GRHL2: variants seen among roughly 807,000 people sequenced by gnomAD.
The protein encoded by GRHL2 is grainyhead like transcription factor 2, also known as grainyhead-like protein 2 homolog.
Under a neutral mutation model 83.8 loss-of-function variants are expected in GRHL2, and 21 were observed. That is an observed-to-expected ratio of 0.25 (90% CI 0.18 to 0.36). The LOEUF is 0.36. GRHL2 is among the 10% of genes least tolerant of loss of function. The pLI, the probability that GRHL2 is intolerant of heterozygous loss-of-function variation, is 1.00. For missense variants in GRHL2, 623 were observed against 781.8 expected (o/e 0.80, Z 2.42); for synonymous variants, 280 against 278.9 (o/e 1.00, Z -0.04).
At chr8:101,588,139 A>G (rs1056499632) in intron 7 of GRHL2, among the ~76,000 whole-genome samples, 2 of 152,188 alleles carry the variant, frequency 1.3e-5, no homozygotes, top group Non-Finnish European at 2.9e-5. Flanking sequence ...GAGTCTCGTC[A>G]TTGTTTAACA....
intron 1 of GRHL2, among the ~76,000 whole-genome samples, chr8:101,512,488 A>T (rs768473762): frequency 4.6e-5 from 7 of 151,978 alleles, no homozygotes; most frequent in Non-Finnish European, 8.8e-5. Context: ...TTTTATTTAC[A>T]TTTTGAGACA....
chr8:101,497,796 C>T (rs1203373452), intron 1 of GRHL2, among the ~76,000 whole-genome samples: 1 of 152,134 alleles, frequency 6.6e-6, no homozygotes, highest in African/African-American at 2.4e-5. Context: ...GGTGTATATC[C>T]AATGTGTAAG....
At chr8:101,497,004 T>G (rs1810120970) in intron 1 of GRHL2, among the ~76,000 whole-genome samples, 1 of 152,212 alleles carries the variant, frequency 6.6e-6, no homozygotes, top group Non-Finnish European at 1.5e-5. Flanking sequence ...ATTATTCTTG[T>G]AAGTGGTCTT....
chr8:101,663,614 AAAATAAAT>A (rs147519589), intron 14 of GRHL2, among the ~76,000 whole-genome samples: 3,106 of 133,932 alleles, frequency 0.023, 104 homozygotes, highest in African/African-American at 0.087. Context: ...TCCATCTCAA[AAAATAAAT>A]AAATAAATAA....
chr8:101,616,143 T>TTC (rs1812852961), intron 8 of GRHL2, among the ~76,000 whole-genome samples: 1 of 150,894 alleles, frequency 6.6e-6, no homozygotes, highest in Non-Finnish European at 1.5e-5. Context: ...CTTTCTTTCT[T>TTC]TCTCTCTCTC....
intron 13 of GRHL2, among the ~76,000 whole-genome samples, chr8:101,648,351 C>T (rs1048109316): frequency 6.6e-6 from 1 of 152,130 alleles, no homozygotes; most frequent in Non-Finnish European, 1.5e-5. Flanking sequence ...ATACTCTCTA[C>T]GTTCTGAAAT....
rs1403538221 is a variant in GRHL2, at chr8:101,492,554, A to AG, written c.-212dup. ...CGCCTCCGAGCTCGGGCCCCATGTG[A>AG]GGGGCCCCCCCTTATCCCACCTTTC... On this transcript the variant is annotated 5_prime_UTR_variant, in exon 1 of 16. Transcript: ENST00000646743. 11 of 641,480 alleles carry AG rather than the reference A, an allele frequency of 1.7e-5. No individual in the cohort carries two copies. The highest frequency in any genetic ancestry group is 2.8e-5 in the Non-Finnish European group (10 of 352,824). The allele number at this position is 641,480 out of a possible 1,614,324, so 39.7% of individuals were successfully genotyped here.
At chr8:101,557,416 G>A (rs1478295450) in intron 3 of GRHL2, among the ~76,000 whole-genome samples, 3 of 151,858 alleles carry the variant, frequency 2.0e-5, no homozygotes, top group African/African-American at 7.3e-5. Context: ...TAGAGATGGG[G>A]TTTCACCATT....
chr8:101,632,482 A>C lies in GRHL2; in HGVS notation c.1485+117A>C. 4.1e-6 allele frequency: 5 copies of C among 1,228,930 alleles called. 1 individual carries two copies. In the South Asian group the frequency reaches 6.0e-5, roughly 15 times the overall value. The allele number at this position is 1,228,930 out of a possible 1,614,324, so 76.1% of individuals were successfully genotyped here. A position where few individuals can be genotyped will look rare whatever the true frequency, so the allele number is the denominator to read the frequency against. On this transcript the variant is annotated intron_variant, in intron 11 of 15. Transcript: ENST00000646743. The stretch of plus-strand genomic sequence containing the variant: ...AAATAACTTACCTTCCATTCACTAG[A>C]GAAAAAGTCAATGTCATTCCCTATA...
intron 1 of GRHL2, among the ~76,000 whole-genome samples, chr8:101,533,491 A>C (rs1253430969): frequency 4.6e-5 from 7 of 152,236 alleles, no homozygotes; most frequent in Non-Finnish European, 7.3e-5. Context: ...ATTCATGAAC[A>C]AAACAACCCC....
intron 12 of GRHL2, among the ~76,000 whole-genome samples, chr8:101,641,733 T>C (rs541539649): frequency 6.6e-6 from 1 of 152,306 alleles, no homozygotes; most frequent in Non-Finnish European, 1.5e-5. Flanking sequence ...CACCCTTTTC[T>C]TGCTCTCCAG....
chr8:101,586,759 C>T (rs954645153), intron 7 of GRHL2, among the ~76,000 whole-genome samples: 1 of 152,010 alleles, frequency 6.6e-6, no homozygotes, highest in Admixed American at 6.5e-5. Flanking sequence ...TGGTTTTGTG[C>T]GTTTAGGTGA....
the GRHL2 span, among the ~76,000 whole-genome samples, chr8:101,677,999 T>C: frequency 6.6e-6 from 1 of 152,334 alleles, no homozygotes; most frequent in Non-Finnish European, 1.5e-5. Context: ...TTTTTTTCTC[T>C]GTTTCTTCGG....
intron 1 of GRHL2, among the ~76,000 whole-genome samples, chr8:101,513,500 C>CCTTTTTTTTTTTT (rs1810505830): frequency 1.0e-5 from 1 of 100,188 alleles, no homozygotes; most frequent in Non-Finnish European, 1.9e-5. Context: ...TATCGTTGTG[C>CCTTTTTTTTTTTT]TTTTTTTTTT....
intron 14 of GRHL2, among the ~76,000 whole-genome samples, chr8:101,652,219 C>T (rs113194779): frequency 6.9e-4 from 105 of 151,832 alleles, no homozygotes; most frequent in South Asian, 3.3e-3. Context: ...AGTGCACCCT[C>T]GTATATTGGT....
chr8:101,539,433 AG>A (rs1811107401), intron 1 of GRHL2, among the ~76,000 whole-genome samples: 2 of 152,120 alleles, frequency 1.3e-5, no homozygotes, highest in South Asian at 4.1e-4. Flanking sequence ...GCTGCAGACC[AG>A]GCACCGAGGG....
intron 1 of GRHL2, among the ~76,000 whole-genome samples, chr8:101,516,612 G>T (rs545419063): frequency 1.3e-5 from 2 of 152,102 alleles, no homozygotes; most frequent in South Asian, 4.2e-4. Context: ...TTACTATGTT[G>T]CTCTGGCTGG....
At chr8:101,504,447 T>A (rs1281088566) in intron 1 of GRHL2, among the ~76,000 whole-genome samples, 1 of 152,198 alleles carries the variant, frequency 6.6e-6, no homozygotes, top group African/African-American at 2.4e-5. Context: ...GTGGGCTGCA[T>A]GTGCCTATGG....
the GRHL2 span, among the ~76,000 whole-genome samples, chr8:101,675,096 A>G: frequency 6.6e-6 from 1 of 152,168 alleles, no homozygotes; most frequent in Non-Finnish European, 1.5e-5. Context: ...ACCCACAGCC[A>G]ATATCATACT....
Sources: allele counts gnomAD v4.1 joint callset (sites outside exome capture counted in the v4.1 genomes callset), GRCh38; gene constraint gnomAD v4.1.1; transcripts MANE v1.5; gene names NCBI Gene and HGNC (gene_info 2026-07-23, HGNC 2026-07-21).